Variants in CCSER1 observed in about 807,000 individuals in gnomAD.
CCSER1 encodes the protein coiled-coil serine rich protein 1, also known as serine-rich coiled-coil domain-containing protein 1.
Under a neutral mutation model 82.0 loss-of-function variants are expected in CCSER1, and 41 were observed. The ratio of observed to expected loss-of-function variants is 0.50; its 90% CI spans 0.39 to 0.65. The LOEUF (loss-of-function observed/expected upper bound fraction) is 0.65. Among genes scored for constraint, CCSER1 ranks in the 30% least tolerant of loss-of-function variants. CCSER1 has a pLI of 0.00. For synonymous variants in CCSER1, 414 were observed against 383.9 expected (o/e 1.08, Z -0.92); for missense variants, 1,119 against 1,064.2 (o/e 1.05, Z -0.72).
At chr4:91,344,141 G>A (rs1259438120) in intron 10 of CCSER1, among the ~76,000 whole-genome samples, 3 of 152,098 alleles carry the variant, frequency 2.0e-5, no homozygotes, top group South Asian at 2.1e-4. Flanking sequence ...TAAGGGCTTC[G>A]CCAGCTGAAT....
chr4:91,021,361 T>A (rs1739947582), intron 9 of CCSER1, among the ~76,000 whole-genome samples: 1 of 152,106 alleles, frequency 6.6e-6, no homozygotes. Flanking sequence ...AAATTAGAAA[T>A]GACAGACTTT....
At chr4:91,095,732 A>G (rs1291516122) in intron 10 of CCSER1, among the ~76,000 whole-genome samples, 1 of 152,060 alleles carries the variant, frequency 6.6e-6, no homozygotes, top group African/African-American at 2.4e-5. Flanking sequence ...CAGAAACTTC[A>G]TTTACATTGG....
intron 10 of CCSER1, among the ~76,000 whole-genome samples, chr4:91,223,052 G>GT (rs57497886): frequency 0.4 from 60,108 of 151,536 alleles, 12,692 homozygotes; most frequent in East Asian, 0.84. Flanking sequence ...TTAAAATAAT[G>GT]TTTTTTTCTT....
chr4:90,148,104 G>T (rs778238436), intron 1 of CCSER1, among the ~76,000 whole-genome samples: 1 of 152,190 alleles, frequency 6.6e-6, no homozygotes, highest in Admixed American at 6.5e-5. Context: ...GGTGGAGGTT[G>T]CAGTGAGCCA....
chr4:90,541,838 C>T (rs1332527546), intron 5 of CCSER1, among the ~76,000 whole-genome samples: 1 of 151,974 alleles, frequency 6.6e-6, no homozygotes, highest in African/African-American at 2.4e-5. Context: ...TTTCTGTCAT[C>T]CTACTGCCAC....
intron 1 of CCSER1, among the ~76,000 whole-genome samples, chr4:90,271,770 A>G (rs887377181): frequency 1.4e-5 from 2 of 142,576 alleles, no homozygotes; most frequent in Admixed American, 7.3e-5. Flanking sequence ...ACCAGATTAT[A>G]TATGTATTAG....
At chr4:90,865,431 C>G (rs943633038) in intron 8 of CCSER1, among the ~76,000 whole-genome samples, 2 of 152,000 alleles carry the variant, frequency 1.3e-5, no homozygotes, top group African/African-American at 4.8e-5. Context: ...ACACTAATCC[C>G]TACTAATTAG....
chr4:91,131,944 A>G, intron 10 of CCSER1, among the ~76,000 whole-genome samples: 1 of 151,918 alleles, frequency 6.6e-6, no homozygotes, highest in Non-Finnish European at 1.5e-5. Context: ...CTGAGCTTAT[A>G]CACCTTAACT....
At chr4:91,484,943 A>AT (rs1377001978) in intron 10 of CCSER1, among the ~76,000 whole-genome samples, 1 of 152,090 alleles carries the variant, frequency 6.6e-6, no homozygotes, top group Non-Finnish European at 1.5e-5. Flanking sequence ...ATATATTTGA[A>AT]TTTCTTTAGT....
chr4:90,422,997 T>C (rs1256516905), intron 4 of CCSER1, among the ~76,000 whole-genome samples: 1 of 152,196 alleles, frequency 6.6e-6, no homozygotes, highest in Admixed American at 6.5e-5. Flanking sequence ...TGTTTTCTCC[T>C]TGTGAGATTT....
chr4:91,440,090 G>T (rs1755008979), intron 10 of CCSER1, among the ~76,000 whole-genome samples: 1 of 151,960 alleles, frequency 6.6e-6, no homozygotes, highest in African/African-American at 2.4e-5. Flanking sequence ...CCCAGGAATT[G>T]AACTCAGCTC....
chr4:90,357,514 T>A (rs1744588702), intron 3 of CCSER1, among the ~76,000 whole-genome samples: 1 of 151,984 alleles, frequency 6.6e-6, no homozygotes, highest in Non-Finnish European at 1.5e-5. Context: ...TTGTTACACG[T>A]CAGAGGAGAG....
intron 10 of CCSER1, among the ~76,000 whole-genome samples, chr4:91,479,361 A>C (rs991541008): frequency 6.6e-6 from 1 of 151,982 alleles, no homozygotes; most frequent in Non-Finnish European, 1.5e-5. Context: ...TCAAATTGGC[A>C]TAAAATATTT....
chr4:90,694,947 A>G (rs1032730432), intron 6 of CCSER1, among the ~76,000 whole-genome samples: 1 of 151,748 alleles, frequency 6.6e-6, no homozygotes, highest in African/African-American at 2.4e-5. Context: ...CTGAATGCCA[A>G]TGAGCTACAA....
At chr4:90,351,571 T>G (rs1743441652) in intron 3 of CCSER1, among the ~76,000 whole-genome samples, 1 of 152,140 alleles carries the variant, frequency 6.6e-6, no homozygotes, top group Non-Finnish European at 1.5e-5. Flanking sequence ...AAATAGTGAA[T>G]AAGCTGAAAA....
intron 1 of CCSER1, among the ~76,000 whole-genome samples, chr4:90,215,678 A>G (rs1204020388): frequency 6.6e-6 from 1 of 152,220 alleles, no homozygotes; most frequent in African/African-American, 2.4e-5. Context: ...ATCTGCTTTA[A>G]TAATGGGCAA....
rs150830191 is a variant in CCSER1, at chr4:90,521,375, A to G, written c.1724+53021A>G. Among the ~76,000 whole-genome samples, 52 of 152,288 alleles carry G rather than the reference A, an allele frequency of 3.4e-4. No individual in the cohort carries two copies. The East Asian group carries it at 0.01, about 29-fold the overall frequency. On this transcript the variant is annotated intron_variant, in intron 5 of 10. Transcript: ENST00000509176. ...AAGGGTAGGTAGAGTAAGCATTGAGATTTAAGAATTTACAGAACAAATATA... is the reference window on the plus strand; with the variant it reads ...AAGGGTAGGTAGAGTAAGCATTGAGGTTTAAGAATTTACAGAACAAATATA...
At chr4:90,403,069 C>A (rs1434989373) in intron 4 of CCSER1, among the ~76,000 whole-genome samples, 1 of 152,158 alleles carries the variant, frequency 6.6e-6, no homozygotes, top group Non-Finnish European at 1.5e-5. Context: ...TTTTGAAAAT[C>A]TATTTCATTT....
At chr4:91,518,783 T>G (rs1357057294) in intron 10 of CCSER1, among the ~76,000 whole-genome samples, 1 of 152,148 alleles carries the variant, frequency 6.6e-6, no homozygotes, top group Non-Finnish European at 1.5e-5. Context: ...GTCACTTGCC[T>G]TTGAGAGACT....
Sources: gnomAD v4.1 joint callset for allele counts (sites outside exome capture counted in the v4.1 genomes callset) on GRCh38, gnomAD v4.1.1 for gene constraint, MANE v1.5 for transcripts, NCBI Gene and HGNC (gene_info 2026-07-23, HGNC 2026-07-21) for gene names.